Variants in EML1 observed in about 807,000 individuals in gnomAD.
EML1 encodes echinoderm microtubule-associated protein-like 1.
In EML1, 27 loss-of-function variants were observed where a neutral mutation model predicts 110.4. The ratio of observed to expected loss-of-function variants is 0.24; its 90% confidence interval spans 0.18 to 0.34. The LOEUF (loss-of-function observed/expected upper bound fraction) is 0.34. Among genes scored for constraint, EML1 ranks in the 10% least tolerant of loss-of-function variants. EML1 has a pLI of 1.00. For synonymous variants in EML1, 344 were observed against 385.8 expected (o/e 0.89, Z 1.27); for missense variants, 741 against 1,030.9 (o/e 0.72, Z 3.85).
At chr14:99,887,282 T>C (rs934415755) in intron 4 of EML1, among the ~76,000 whole-genome samples, 2 of 152,214 alleles carry the variant, frequency 1.3e-5, no homozygotes, top group African/African-American at 2.4e-5. Context: ...ATCTCCTTCT[T>C]ATAAGCAATA....
chr14:99,832,168 C>T lies in EML1; in HGVS notation c.68-18685C>T, dbSNP rs376279539. On this transcript the variant is annotated intron_variant, in intron 1 of 21. Coordinates refer to ENST00000262233, the MANE Select transcript of EML1 (RefSeq NM_004434.3). ...ATTTTCTGGCTGCTTTCACCCAGCA[C>T]AATTTTGATATTCATCCGTGCTGTT... is the stretch of plus-strand genomic sequence containing the variant. Among the ~76,000 whole-genome samples the T allele has an allele frequency of 1.5e-3, 223 of 152,234 alleles. 1 individual carries two copies. The South Asian group carries it at 0.02, about 13-fold the overall frequency.
intron 9 of EML1, among the ~76,000 whole-genome samples, chr14:99,903,703 C>G (rs1235309985): frequency 6.6e-6 from 1 of 151,876 alleles, no homozygotes; most frequent in African/African-American, 2.4e-5. Flanking sequence ...ACTTTTATAC[C>G]AAATAAGCCA....
At chr14:99,860,662 C>T (rs1401423134) in intron 2 of EML1, among the ~76,000 whole-genome samples, 8 of 152,078 alleles carry the variant, frequency 5.3e-5, no homozygotes, top group Non-Finnish European at 1.0e-4. Flanking sequence ...GTGGGGGTTA[C>T]GATGCTATTT....
chr14:99,788,954 A>G (rs10130307), upstream of EML1, among the ~76,000 whole-genome samples: 97,841 of 151,974 alleles, frequency 0.64, 33,083 homozygotes, highest in African/African-American at 0.87. Flanking sequence ...ACGCTGCATA[A>G]TGTCTTGATA....
At position 99,936,009 on chromosome 14, in the gene EML1, A is replaced by G; in HGVS notation, c.1910-20A>G. The G allele has an allele frequency of 6.2e-7, 1 of 1,609,386 alleles. No homozygotes were observed. The highest frequency in any genetic ancestry group is 8.5e-7 in the Non-Finnish European group (1 of 1,175,868). On this transcript the variant is annotated intron_variant, in intron 17 of 21. Transcript: ENST00000262233. The surrounding 1 kb of genome is among the most constrained non-coding windows in gnomAD (Gnocchi z 5.5). Reference sequence around the variant, plus strand: ...TGTGTATTGTTAACATCTGAAATGTAATTTGTCATCTTTTTATAGATGGGA... The same window carrying G: ...TGTGTATTGTTAACATCTGAAATGTGATTTGTCATCTTTTTATAGATGGGA...
chr14:99,808,323 AAATT>A (rs1188168486), intron 1 of EML1, among the ~76,000 whole-genome samples: 5 of 152,196 alleles, frequency 3.3e-5, no homozygotes, highest in African/African-American at 1.2e-4. Context: ...TCAGATGCTG[AAATT>A]ATGCAAAGAG....
chr14:99,887,704 A>C (rs73360345), intron 4 of EML1, among the ~76,000 whole-genome samples: 6,110 of 152,254 alleles, frequency 0.04, 411 homozygotes, highest in African/African-American at 0.14. Context: ...TCACCGCCCA[A>C]GCATGTTTCA....
At chr14:99,746,245 G>A (rs958187193) in intron 1 of EML1, among the ~76,000 whole-genome samples, 3 of 152,020 alleles carry the variant, frequency 2.0e-5, no homozygotes, top group African/African-American at 7.2e-5. Flanking sequence ...CCCAACCTGG[G>A]GTCACCCACC....
intron 1 of EML1, among the ~76,000 whole-genome samples, chr14:99,799,790 A>G (rs926914124): frequency 6.6e-6 from 1 of 152,212 alleles, no homozygotes; most frequent in African/African-American, 2.4e-5. Flanking sequence ...AGTTGAGTGG[A>G]GGTTGGATAA....
chr14:99,902,911 T>C (rs1457946098), intron 9 of EML1, among the ~76,000 whole-genome samples: 8 of 152,236 alleles, frequency 5.3e-5, no homozygotes, highest in Non-Finnish European at 1.2e-4. Context: ...CTATTGACTC[T>C]ACAATTCAAT....
At chr14:99,834,864 G>T (rs573320794) in intron 1 of EML1, among the ~76,000 whole-genome samples, 37 of 152,288 alleles carry the variant, frequency 2.4e-4, no homozygotes, top group African/African-American at 8.2e-4. Flanking sequence ...CTGTCGCCTA[G>T]GCTGGAGTGC....
chr14:99,811,298 G>A (rs1443120505), intron 1 of EML1, among the ~76,000 whole-genome samples: 7 of 151,706 alleles, frequency 4.6e-5, no homozygotes, highest in Admixed American at 2.0e-4. Context: ...CACCCACGTC[G>A]GCCTCCCAAA....
intron 1 of EML1, among the ~76,000 whole-genome samples, chr14:99,780,146 T>C (rs746316098): frequency 2.8e-4 from 43 of 152,182 alleles, no homozygotes; most frequent in Admixed American, 7.2e-4. Flanking sequence ...AGGTCACTAA[T>C]CCTAACAGAT....
chr14:99,863,976 C>T (rs939877378), intron 2 of EML1, among the ~76,000 whole-genome samples: 15 of 152,234 alleles, frequency 9.9e-5, no homozygotes, highest in Admixed American at 2.6e-4. Context: ...TCCTGTTGAT[C>T]GGCATCCCGG....
chr14:99,813,070 A>G (rs1167529207), intron 1 of EML1, among the ~76,000 whole-genome samples: 2 of 152,198 alleles, frequency 1.3e-5, no homozygotes, highest in African/African-American at 4.8e-5. Flanking sequence ...TGTTTGGCCC[A>G]GGAACCGTAG....
chr14:99,906,186 C>T (rs2140035250), intron 9 of EML1, among the ~76,000 whole-genome samples: 1 of 152,250 alleles, frequency 6.6e-6, no homozygotes, highest in African/African-American at 2.4e-5. Context: ...GCTTCATGGT[C>T]ACCAGAAAGA....
intron 1 of EML1, among the ~76,000 whole-genome samples, chr14:99,743,977 A>AT (rs895773125): frequency 1.3e-5 from 2 of 152,008 alleles, no homozygotes; most frequent in African/African-American, 4.8e-5. Flanking sequence ...CCATTTCACT[A>AT]TTTTTTTTCT....
intron 1 of EML1, among the ~76,000 whole-genome samples, chr14:99,766,874 G>A (rs1279333786): frequency 2.6e-5 from 4 of 152,124 alleles, no homozygotes; most frequent in Non-Finnish European, 1.5e-5. Context: ...AGGGTCGGCC[G>A]CTAATGGAGA....
intron 1 of EML1, among the ~76,000 whole-genome samples, chr14:99,763,200 A>G (rs1393166092): frequency 6.6e-6 from 1 of 152,218 alleles, no homozygotes; most frequent in Admixed American, 6.5e-5. Context: ...CCCCAGCCAC[A>G]TGGAACTGTA....
Sources: gnomAD v4.1 joint callset for allele counts (sites outside exome capture counted in the v4.1 genomes callset) on GRCh38, gnomAD v4.1.1 for gene constraint, Gnocchi (gnomAD v3.1) non-coding constraint, MANE v1.5 for transcripts, NCBI Gene and HGNC (gene_info 2026-07-23, HGNC 2026-07-21) for gene names.